ITGA8: variants seen among roughly 807,000 people sequenced by gnomAD.
The protein encoded by ITGA8 is integrin alpha-8.
Under a neutral mutation model 142.3 loss-of-function variants are expected in ITGA8, and 91 were observed. The ratio of observed to expected loss-of-function variants is 0.64; its 90% confidence interval spans 0.54 to 0.76. ITGA8 has a LOEUF of 0.76. ITGA8 is among the 30% of genes least tolerant of loss of function. The probability of loss-of-function intolerance (pLI) is 0.00; values close to 1 mark genes in which losing one functional copy is unlikely to be tolerated. For missense variants in ITGA8, 1,406 were observed against 1,327.7 expected (o/e 1.06, Z -0.92); for synonymous variants, 505 against 485.2 (o/e 1.04, Z -0.54).
Position 15,684,065 on chromosome 10 carries a change from G to A in ITGA8, c.507C>T (p.Gly169=). 2 of 1,614,154 alleles carry A rather than the reference G, an allele frequency of 1.2e-6. No homozygotes were observed. Among genetic ancestry groups the A allele is most frequent in the Non-Finnish European group, 8.5e-7 (1 of 1,179,978 alleles). The change falls in exon 4 of 30, where the codon GGC becomes GGT. Residue 169 remains glycine, a synonymous_variant. Transcript: ENST00000378076. ...AGTTCTGAATTGCTACATAGCAGGT[G>A]CCAACTGGGTCCTTTTCTGGTGTCG... ...LKPTPEKDPV[G]TCYVAIQNFS...
chr10:15,565,140 G>A (rs965578817), intron 25 of ITGA8, among the ~76,000 whole-genome samples: 30 of 152,240 alleles, frequency 2.0e-4, no homozygotes, highest in African/African-American at 6.7e-4. Flanking sequence ...TTTGATGGTC[G>A]AGAATTGGAT....
chr10:15,649,284 G>A (rs1214927319), intron 11 of ITGA8, among the ~76,000 whole-genome samples: 1 of 151,686 alleles, frequency 6.6e-6, no homozygotes, highest in African/African-American at 2.4e-5. Flanking sequence ...ACTATATATT[G>A]TTACAATCAA....
intron 3 of ITGA8, among the ~76,000 whole-genome samples, chr10:15,686,508 T>C (rs902664750): frequency 3.3e-5 from 5 of 152,204 alleles, no homozygotes; most frequent in African/African-American, 1.2e-4. Context: ...ATATTAGCTC[T>C]AAAAAGTTAC....
At chr10:15,643,528 C>T (rs942345247) in intron 13 of ITGA8, among the ~76,000 whole-genome samples, 2 of 152,166 alleles carry the variant, frequency 1.3e-5, no homozygotes, top group African/African-American at 4.8e-5. Flanking sequence ...GATCCACCCA[C>T]CTCGGCCTCC....
At chr10:15,679,761 G>A (rs766021883) in intron 4 of ITGA8, among the ~76,000 whole-genome samples, 1 of 152,106 alleles carries the variant, frequency 6.6e-6, no homozygotes, top group Non-Finnish European at 1.5e-5. Context: ...TTGTCCAATA[G>A]GATCTCATGG....
At chr10:15,634,622 C>T (rs1833739724) in intron 13 of ITGA8, among the ~76,000 whole-genome samples, 1 of 152,172 alleles carries the variant, frequency 6.6e-6, no homozygotes, top group Non-Finnish European at 1.5e-5. Flanking sequence ...TCAACACATA[C>T]TTGCTGGGTA....
chr10:15,568,683 T>TTCA (rs1834121826), intron 25 of ITGA8, among the ~76,000 whole-genome samples: 1 of 152,168 alleles, frequency 6.6e-6, no homozygotes, highest in African/African-American at 2.4e-5. Context: ...TTTTAAATGG[T>TTCA]GTTTCAGTTC....
At chr10:15,562,776 C>A (rs7916999) in intron 25 of ITGA8, among the ~76,000 whole-genome samples, 8 of 151,942 alleles carry the variant, frequency 5.3e-5, no homozygotes. Context: ...CACTGTGGGC[C>A]CTGGGACATC....
chr10:15,554,192 G>A (rs532287714), intron 26 of ITGA8, among the ~76,000 whole-genome samples: 9 of 152,266 alleles, frequency 5.9e-5, no homozygotes, highest in Non-Finnish European at 1.0e-4. Flanking sequence ...TGGAAAGGAA[G>A]TTAATTTAGG....
rs767241930 is a variant in ITGA8, at chr10:15,677,550, G to GT, written c.676+41dup. The GT allele has an allele frequency of 5.1e-6, 8 of 1,560,912 alleles. No homozygotes were observed. The South Asian group carries it at 9.2e-5, about 18-fold the overall frequency. On this transcript the variant is annotated intron_variant, in intron 6 of 29. Transcript: ENST00000378076. ...TACTTCTGGGTCCATCCTTCTGTTA[G>GT]TAACAACAAATGTGCTTTTCTTGTC... is the stretch of plus-strand genomic sequence containing the variant.
chr10:15,655,976 T>C (rs974024481), intron 10 of ITGA8, among the ~76,000 whole-genome samples: 10 of 152,044 alleles, frequency 6.6e-5, no homozygotes, highest in African/African-American at 1.9e-4. Flanking sequence ...CCCAGCTAAC[T>C]GTGGGGCTGA....
intron 15 of ITGA8, among the ~76,000 whole-genome samples, chr10:15,608,800 G>T (rs1252477442): frequency 6.6e-6 from 1 of 152,082 alleles, no homozygotes; most frequent in Non-Finnish European, 1.5e-5. Context: ...TGAAAGTCAT[G>T]CTAAAAAATG....
At chr10:15,592,891 C>A (rs544731514) in intron 21 of ITGA8, among the ~76,000 whole-genome samples, 1 of 152,152 alleles carries the variant, frequency 6.6e-6, no homozygotes, top group African/African-American at 2.4e-5. Flanking sequence ...CACACCTGGC[C>A]AGAAATTGAC....
intron 23 of ITGA8, among the ~76,000 whole-genome samples, chr10:15,575,961 G>A (rs1341989682): frequency 6.7e-6 from 1 of 150,126 alleles, no homozygotes; most frequent in Non-Finnish European, 1.5e-5. Flanking sequence ...GTGTGTGTGT[G>A]TGAGTGTGTG....
intron 8 of ITGA8, among the ~76,000 whole-genome samples, chr10:15,661,507 C>T (rs1834286890): frequency 8.1e-6 from 1 of 123,720 alleles, no homozygotes; most frequent in African/African-American, 2.6e-5. Flanking sequence ...AAACAGAAGT[C>T]ATACTTTGTC....
intron 23 of ITGA8, among the ~76,000 whole-genome samples, chr10:15,586,337 G>T (rs1832831703): frequency 6.6e-6 from 1 of 152,056 alleles, no homozygotes; most frequent in Non-Finnish European, 1.5e-5. Context: ...GGGAGTATAG[G>T]CATGAGCCAC....
chr10:15,715,858 G>C (rs1377787166), intron 2 of ITGA8, among the ~76,000 whole-genome samples: 6 of 152,234 alleles, frequency 3.9e-5, no homozygotes, highest in Non-Finnish European at 2.9e-5. Context: ...CACTATCTGA[G>C]GGTATAAGGA....
At chr10:15,660,514 G>C (rs575404208) in intron 9 of ITGA8, among the ~76,000 whole-genome samples, 2 of 152,286 alleles carry the variant, frequency 1.3e-5, no homozygotes, top group Non-Finnish European at 2.9e-5. Context: ...TATACAGATG[G>C]TCCTTCAATT....
At chr10:15,554,892 G>A (rs1189683288) in intron 26 of ITGA8, among the ~76,000 whole-genome samples, 1 of 151,914 alleles carries the variant, frequency 6.6e-6, no homozygotes, top group African/African-American at 2.4e-5. Flanking sequence ...AGGCAGAGAG[G>A]GAGAGAGAAA....
Sources: gnomAD v4.1 joint callset for allele counts (sites outside exome capture counted in the v4.1 genomes callset) on GRCh38, gnomAD v4.1.1 for gene constraint, MANE v1.5 for transcripts, NCBI Gene and HGNC (gene_info 2026-07-23, HGNC 2026-07-21) for gene names.